Variants in PCDH15 observed in about 807,000 individuals in gnomAD.
The protein encoded by PCDH15 is protocadherin related 15.
A neutral mutation model predicts 178.5 loss-of-function variants in PCDH15; 129 were observed. The ratio of observed to expected loss-of-function variants is 0.72; its 90% CI spans 0.63 to 0.84. The LOEUF is 0.84. Among genes scored for constraint, PCDH15 ranks in the 40% least tolerant of loss-of-function variants. PCDH15 has a pLI of 0.00. For missense variants in PCDH15, 2,230 were observed against 2,099.9 expected (o/e 1.06, Z -1.21); for synonymous variants, 800 against 732.0 (o/e 1.09, Z -1.50).
chr10:54,947,095 G>A (rs1838216253), intron 2 of PCDH15, among the ~76,000 whole-genome samples: 1 of 151,658 alleles, frequency 6.6e-6, no homozygotes, highest in African/African-American at 2.4e-5. Context: ...TTAATTAATT[G>A]CAAAATTGAA....
intron 3 of PCDH15, among the ~76,000 whole-genome samples, chr10:54,437,423 G>T (rs2136102068): frequency 6.6e-6 from 1 of 152,252 alleles, no homozygotes; most frequent in Middle Eastern, 3.4e-3. Context: ...TGTTTATAAA[G>T]TCTATAGCAA....
At chr10:55,205,026 G>A (rs1840357070) in intron 1 of PCDH15, among the ~76,000 whole-genome samples, 1 of 151,884 alleles carries the variant, frequency 6.6e-6, no homozygotes, top group African/African-American at 2.4e-5. Flanking sequence ...TTTGTTCTCT[G>A]GAAGTTGGTT....
chr10:54,943,902 TA>T (rs1838124006), intron 2 of PCDH15, among the ~76,000 whole-genome samples: 1 of 151,666 alleles, frequency 6.6e-6, no homozygotes, highest in South Asian at 2.1e-4. Context: ...AAAGATCTCT[TA>T]AAGAGAAGAT....
intron 2 of PCDH15, among the ~76,000 whole-genome samples, chr10:55,412,923 C>A (rs34544501): frequency 7.0e-6 from 1 of 143,730 alleles, no homozygotes; most frequent in African/African-American, 2.6e-5. Flanking sequence ...ACACACACGG[C>A]AAATTGAACT....
At chr10:54,477,170 C>T (rs1168094472) in intron 3 of PCDH15, among the ~76,000 whole-genome samples, 2 of 152,124 alleles carry the variant, frequency 1.3e-5, no homozygotes, top group African/African-American at 4.8e-5. Flanking sequence ...TCTCTCAGAA[C>T]TCATGACTTA....
chr10:54,009,398 C>T (rs1451603532), intron 20 of PCDH15, among the ~76,000 whole-genome samples: 1 of 151,832 alleles, frequency 6.6e-6, no homozygotes, highest in Non-Finnish European at 1.5e-5. Flanking sequence ...AGCTTACGAT[C>T]TCCATTCCAA....
chr10:55,184,706 T>C (rs1391231032), intron 1 of PCDH15, among the ~76,000 whole-genome samples: 2 of 151,948 alleles, frequency 1.3e-5, no homozygotes, highest in Non-Finnish European at 2.9e-5. Flanking sequence ...TATATTTTCA[T>C]AGCATTTGGG....
chr10:55,548,957 G>A (rs1213737379), intron 2 of PCDH15, among the ~76,000 whole-genome samples: 1 of 152,102 alleles, frequency 6.6e-6, no homozygotes, highest in Non-Finnish European at 1.5e-5. Context: ...AATAATTTTA[G>A]TATTTTAACC....
intron 1 of PCDH15, among the ~76,000 whole-genome samples, chr10:55,251,167 C>T (rs879822978): frequency 2.0e-5 from 3 of 151,860 alleles, no homozygotes; most frequent in African/African-American, 7.3e-5. Flanking sequence ...ATTTAAATTT[C>T]CCCAGTTTTA....
intron 5 of PCDH15, among the ~76,000 whole-genome samples, chr10:54,349,693 TC>T (rs1410813879): frequency 6.6e-6 from 1 of 152,178 alleles, no homozygotes; most frequent in African/African-American, 2.4e-5. Flanking sequence ...TAATATGTAG[TC>T]CTTTAAAATA....
At chr10:54,815,311 C>G (rs1208947033) in intron 3 of PCDH15, among the ~76,000 whole-genome samples, 1 of 151,972 alleles carries the variant, frequency 6.6e-6, no homozygotes, top group Admixed American at 6.6e-5. Context: ...ATTATAAAAA[C>G]TTAAAATTTA....
chr10:54,022,916 A>C lies in PCDH15; in HGVS notation c.2502T>G (p.Ala834=). 1 of 1,613,930 alleles carries C rather than the reference A, an allele frequency of 6.2e-7. No individual in the cohort carries two copies. The highest frequency in any genetic ancestry group is 8.5e-7 in the Non-Finnish European group (1 of 1,179,834). The change falls in exon 19 of 38, where the codon GCT becomes GCG. Residue 834 remains alanine (A), a synonymous_variant. Coordinates refer to ENST00000644397, the MANE Select transcript of PCDH15 (RefSeq NM_001384140.1). ...CCTCTATTTGAAGGATGGTAGTCCC[A>C]GCTGGCAAATTCTCTTCAACAAGGA... ...YTVLVEENLP[A]GTTILQIEAK...
At chr10:55,170,063 T>C (rs1429993439) in intron 1 of PCDH15, among the ~76,000 whole-genome samples, 5 of 152,066 alleles carry the variant, frequency 3.3e-5, no homozygotes, top group Non-Finnish European at 7.4e-5. Flanking sequence ...GAAGAGAACT[T>C]GATGCTTTAC....
chr10:55,168,825 T>G (rs888722519), intron 1 of PCDH15, among the ~76,000 whole-genome samples: 2 of 152,306 alleles, frequency 1.3e-5, no homozygotes, highest in South Asian at 4.1e-4. Context: ...TTTATCAATA[T>G]AGTTCCAAAG....
chr10:54,613,210 T>C (rs1319626377), intron 2 of PCDH15, among the ~76,000 whole-genome samples: 2 of 151,880 alleles, frequency 1.3e-5, no homozygotes, highest in African/African-American at 4.8e-5. Context: ...GGACTTCACT[T>C]TCTAAAGTAT....
At chr10:53,953,330 A>T (rs1900421) in intron 23 of PCDH15, among the ~76,000 whole-genome samples, 102,135 of 152,190 alleles carry the variant, frequency 0.67, 34,802 homozygotes, top group East Asian at 0.87. Context: ...AAGTGACTCC[A>T]TAAAAGATTG....
chr10:53,954,739 C>T (rs953485936), intron 23 of PCDH15, among the ~76,000 whole-genome samples: 2 of 152,134 alleles, frequency 1.3e-5, no homozygotes, highest in African/African-American at 4.8e-5. Context: ...ACTAAAAATA[C>T]AGATTTTTAA....
At chr10:54,675,602 T>C (rs1432650884) in intron 1 of PCDH15, among the ~76,000 whole-genome samples, 5 of 152,136 alleles carry the variant, frequency 3.3e-5, no homozygotes, top group Admixed American at 3.3e-4. Flanking sequence ...TAAGAATTTG[T>C]TCCTCATGTA....
At position 53,892,272 on chromosome 10, in the gene PCDH15, G is replaced by T. The variant is rs987399992; in HGVS notation, c.3501+10971C>A. 1.6e-4 allele frequency among the ~76,000 whole-genome samples: 25 copies of T among 151,894 alleles called. No homozygotes were observed. The East Asian group carries it at 4.1e-3, about 25-fold the overall frequency. On this transcript the variant is annotated intron_variant, in intron 26 of 37. Coordinates refer to ENST00000644397, the MANE Select transcript of PCDH15 (RefSeq NM_001384140.1). Reference sequence around the variant, plus strand: ...GAACTCCTGACCTCGTGATCCACCCGCCCCGGCCTCCCAAAGTTCTGGGAT... The same window carrying T: ...GAACTCCTGACCTCGTGATCCACCCTCCCCGGCCTCCCAAAGTTCTGGGAT...
Sources: gnomAD v4.1 joint callset for allele counts (sites outside exome capture counted in the v4.1 genomes callset) on GRCh38, gnomAD v4.1.1 for gene constraint, MANE v1.5 for transcripts, NCBI Gene and HGNC (gene_info 2026-07-23, HGNC 2026-07-21) for gene names.